Variants in PALS2 observed in about 807,000 individuals in gnomAD.
PALS2 encodes the protein protein PALS2.
A neutral mutation model predicts 61.6 loss-of-function variants in PALS2; 27 were observed. The ratio of observed to expected loss-of-function variants is 0.44; its 90% CI spans 0.32 to 0.60. PALS2 has a LOEUF of 0.60. Among genes scored for constraint, PALS2 ranks in the 20% least tolerant of loss-of-function variants. The probability of loss-of-function intolerance (pLI) is 0.05; values close to 1 mark genes in which losing one functional copy is unlikely to be tolerated. For missense variants in PALS2, 554 were observed against 639.4 expected, an observed-to-expected ratio of 0.87 and a Z score of 1.44; for synonymous variants, 236 against 218.6, an observed-to-expected ratio of 1.08 and a Z score of -0.70.
At chr7:24,598,020 G>A (rs1315374572) in intron 1 of PALS2, among the ~76,000 whole-genome samples, 3 of 152,072 alleles carry the variant, frequency 2.0e-5, no homozygotes, top group Non-Finnish European at 2.9e-5. Context: ...AAAGAGCTGT[G>A]GAAAATAAGA....
chr7:24,676,814 C>A (rs1465605360), intron 9 of PALS2, among the ~76,000 whole-genome samples: 1 of 151,122 alleles, frequency 6.6e-6, no homozygotes, highest in East Asian at 1.9e-4. Context: ...TAGTGTGATG[C>A]CTCCAGCTTT....
At chr7:24,617,279 A>G (rs1205030100) in intron 1 of PALS2, among the ~76,000 whole-genome samples, 1 of 152,092 alleles carries the variant, frequency 6.6e-6, no homozygotes, top group African/African-American at 2.4e-5. Flanking sequence ...CAAACAATGA[A>G]TCATTTTTCC....
intron 11 of PALS2, among the ~76,000 whole-genome samples, chr7:24,685,647 G>GTTTT (rs34096637): frequency 7.5e-6 from 1 of 132,900 alleles, no homozygotes; most frequent in African/African-American, 2.8e-5. Context: ...TGTTAACAGG[G>GTTTT]TTTTTTTTTT....
chr7:24,624,223 A>G, intron 2 of PALS2: 1 of 941,960 alleles, frequency 1.1e-6, no homozygotes, highest in Non-Finnish European at 1.4e-6. Context: ...TAAGCCTGGT[A>G]TTTTAAGTCT....
At chr7:24,620,490 AT>A (rs1224857471) in intron 1 of PALS2, among the ~76,000 whole-genome samples, 3 of 152,186 alleles carry the variant, frequency 2.0e-5, no homozygotes, top group African/African-American at 7.2e-5. Flanking sequence ...ATTCCATATG[AT>A]TAAGAGTCAG....
At chr7:24,575,376 T>A (rs1782605819) in intron 1 of PALS2, among the ~76,000 whole-genome samples, 2 of 152,158 alleles carry the variant, frequency 1.3e-5, no homozygotes, top group Non-Finnish European at 2.9e-5. Flanking sequence ...AACTGTTGGA[T>A]TTTTAAAAAT....
At chr7:24,607,976 G>T (rs564992934) in intron 1 of PALS2, among the ~76,000 whole-genome samples, 47 of 152,144 alleles carry the variant, frequency 3.1e-4, no homozygotes, top group African/African-American at 1.1e-3. Flanking sequence ...GAGAAGATCA[G>T]TTTTTGTTTT....
chr7:24,606,761 A>G (rs1490777897), intron 1 of PALS2, among the ~76,000 whole-genome samples: 5 of 152,022 alleles, frequency 3.3e-5, no homozygotes, highest in Admixed American at 2.6e-4. Flanking sequence ...TTTATTATAC[A>G]GGTTGAGTAT....
intron 1 of PALS2, among the ~76,000 whole-genome samples, chr7:24,612,163 C>A (rs888036725): frequency 6.6e-6 from 1 of 151,828 alleles, no homozygotes; most frequent in Non-Finnish European, 1.5e-5. Flanking sequence ...TACTTTGCTG[C>A]TGTTTTAATA....
At chr7:24,642,712 G>A (rs908123968) in intron 3 of PALS2, among the ~76,000 whole-genome samples, 9 of 152,210 alleles carry the variant, frequency 5.9e-5, no homozygotes, top group African/African-American at 2.2e-4. Flanking sequence ...CAATGTTACT[G>A]CAAAATATGA....
At chr7:24,629,249 G>C (rs545003957) in intron 2 of PALS2, among the ~76,000 whole-genome samples, 1 of 152,034 alleles carries the variant, frequency 6.6e-6, no homozygotes, top group African/African-American at 2.4e-5. Flanking sequence ...GAAAGGATTC[G>C]CTATTTAATA....
intron 1 of PALS2, among the ~76,000 whole-genome samples, chr7:24,622,061 A>T (rs915078278): frequency 6.6e-6 from 1 of 152,030 alleles, no homozygotes; most frequent in Non-Finnish European, 1.5e-5. Context: ...CACAGTCTTG[A>T]TTACTGTAGC....
intron 5 of PALS2, among the ~76,000 whole-genome samples, chr7:24,658,401 A>G (rs916146702): frequency 6.6e-6 from 1 of 152,058 alleles, no homozygotes; most frequent in Non-Finnish European, 1.5e-5. Context: ...CACATTTGAC[A>G]TTTCTGGGTC....
chr7:24,577,671 C>T (rs2711093), intron 1 of PALS2, among the ~76,000 whole-genome samples: 65,454 of 151,754 alleles, frequency 0.43, 16,772 homozygotes, highest in East Asian at 0.72. Context: ...ACTATGTTCA[C>T]TCTGTTGGGA....
chr7:24,611,673 A>G (rs1254520203), intron 1 of PALS2, among the ~76,000 whole-genome samples: 3 of 151,956 alleles, frequency 2.0e-5, no homozygotes, highest in Admixed American at 1.3e-4. Context: ...GTCTTAGGAG[A>G]AGTTATCCTA....
At chr7:24,588,701 A>G (rs577665755) in intron 1 of PALS2, among the ~76,000 whole-genome samples, 108 of 152,350 alleles carry the variant, frequency 7.1e-4, no homozygotes, top group African/African-American at 2.2e-3. Flanking sequence ...ACAGCTACAT[A>G]CAAAAAGACT....
chr7:24,660,258 C>CA (rs1320514293), intron 5 of PALS2, among the ~76,000 whole-genome samples: 4 of 103,526 alleles, frequency 3.9e-5, no homozygotes, highest in East Asian at 5.9e-4. Context: ...GTTTGAAAAT[C>CA]AAAAAATGTA....
rs1441627959 is a variant in PALS2 at position 24,690,337 on chromosome 7, C to G, written c.*2723C>G. 1 of 152,166 alleles carries G rather than the reference C, an allele frequency of 6.6e-6. No individual in the cohort carries two copies. Among genetic ancestry groups the G allele is most frequent in the East Asian group, 1.9e-4 (1 of 5,194 alleles). 9.4% of individuals were successfully genotyped at this position (152,166 alleles called of 1,614,324 possible). A position where few individuals can be genotyped will look rare whatever the true frequency, so the allele number is the denominator to read the frequency against. On this transcript the variant is annotated 3_prime_UTR_variant, in exon 12 of 12. Coordinates refer to ENST00000222644, the MANE Select transcript of PALS2 (RefSeq NM_001303037.2). Reference sequence around the variant, plus strand: ...GCTGTGATCAAGGAAATGTGAACTTCTCTTTTGGGAAGATCTGCGATAATT... The same window carrying G: ...GCTGTGATCAAGGAAATGTGAACTTGTCTTTTGGGAAGATCTGCGATAATT...
At chr7:24,616,874 T>C (rs1368741243) in intron 1 of PALS2, among the ~76,000 whole-genome samples, 5 of 152,166 alleles carry the variant, frequency 3.3e-5, no homozygotes, top group Non-Finnish European at 5.9e-5. Context: ...ACAGTTTGAG[T>C]ATAATGTGCC....
Sources: gnomAD v4.1 joint callset for allele counts (sites outside exome capture counted in the v4.1 genomes callset) on GRCh38, gnomAD v4.1.1 for gene constraint, MANE v1.5 for transcripts, NCBI Gene and HGNC (gene_info 2026-07-23, HGNC 2026-07-21) for gene names.